SPTLC1: variants seen among roughly 807,000 people sequenced by gnomAD.
SPTLC1 encodes the protein serine palmitoyltransferase 1.
SPTLC1 carries 55 observed loss-of-function variants against 68.9 expected under a neutral mutation model. That is an observed-to-expected ratio of 0.80 (90% confidence interval 0.64 to 1.00). The LOEUF (loss-of-function observed/expected upper bound fraction) is 1.00. Ranked by LOEUF, SPTLC1 falls within the 50% of genes least tolerant of loss-of-function variation. The pLI, the probability that SPTLC1 is intolerant of heterozygous loss-of-function variation, is 0.00. For missense variants in SPTLC1, 449 were observed against 573.1 expected (o/e 0.78, Z 2.21); for synonymous variants, 197 against 201.6 (o/e 0.98, Z 0.19).
At chr9:92,058,793 T>C (rs1833984324) in intron 7 of SPTLC1, among the ~76,000 whole-genome samples, 1 of 152,174 alleles carries the variant, frequency 6.6e-6, no homozygotes, top group African/African-American at 2.4e-5. Flanking sequence ...AATTGATACA[T>C]GATTTATTCT....
At chr9:92,079,082 A>T in intron 5 of SPTLC1, 1 of 877,564 alleles carries the variant, frequency 1.1e-6, no homozygotes, top group Non-Finnish European at 1.4e-6. Context: ...AATTTTATTT[A>T]TTTATTTATT....
At chr9:92,033,639 T>A (rs1309633350) in intron 14 of SPTLC1, among the ~76,000 whole-genome samples, 1 of 152,194 alleles carries the variant, frequency 6.6e-6, no homozygotes, top group Non-Finnish European at 1.5e-5. Flanking sequence ...CACTGCAGCC[T>A]TGACCTCCTG....
chr9:92,068,028 A>G lies in SPTLC1; in HGVS notation c.498T>C (p.Tyr166=). Residue 166 remains tyrosine, a synonymous_variant, in exon 6 of 15, where the codon TAT becomes TAC. Transcript: ENST00000262554. ...MKTEEAIIYS[Y]GFATIASAIP... Reference sequence around the variant, plus strand: ...TAGCACTGGCTATGGTGGCAAATCCATATGAGTATATAATGGCTTCTTCTG... The same window carrying G: ...TAGCACTGGCTATGGTGGCAAATCCGTATGAGTATATAATGGCTTCTTCTG... The G allele has an allele frequency of 6.2e-7, 1 of 1,614,098 alleles. No homozygotes were observed.
At chr9:92,071,316 C>T (rs369210742) in intron 5 of SPTLC1, among the ~76,000 whole-genome samples, 72 of 152,204 alleles carry the variant, frequency 4.7e-4, no homozygotes, top group African/African-American at 1.7e-3. Context: ...AGGAGAATCG[C>T]CTGAACCCAG....
chr9:92,054,806 G>A (rs139263928), intron 8 of SPTLC1, among the ~76,000 whole-genome samples: 2,679 of 152,170 alleles, frequency 0.018, 67 homozygotes, highest in African/African-American at 0.06. Context: ...CCAGCTACTC[G>A]GGAGGCTGAG....
chr9:92,078,192 T>A lies in SPTLC1; in HGVS notation c.427+1824A>T, dbSNP rs1451044059. Among the ~76,000 whole-genome samples the A allele has an allele frequency of 2.0e-5, 3 of 152,178 alleles. No individual in the cohort carries two copies. The South Asian group carries it at 6.2e-4, about 31-fold the overall frequency. On this transcript the variant is annotated intron_variant, in intron 5 of 14. Coordinates refer to ENST00000262554, the MANE Select transcript of SPTLC1 (RefSeq NM_006415.4). Reference sequence around the variant, plus strand: ...TCCCTGATATCTAATACCAACAAGCTGCTGCTCTCCTCCGTACCTACCTAC... The same window carrying A: ...TCCCTGATATCTAATACCAACAAGCAGCTGCTCTCCTCCGTACCTACCTAC...
At chr9:92,054,175 G>A (rs2118500643) in intron 8 of SPTLC1, among the ~76,000 whole-genome samples, 1 of 152,302 alleles carries the variant, frequency 6.6e-6, no homozygotes, top group East Asian at 1.9e-4. Context: ...CAGCTACCTG[G>A]GAGGCTGAGG....
chr9:92,101,561 CAAAAAAA>C (rs61125464), intron 3 of SPTLC1, among the ~76,000 whole-genome samples: 936 of 45,994 alleles, frequency 0.02, 29 homozygotes, highest in African/African-American at 0.078. Flanking sequence ...GACTCCGTCT[CAAAAAAA>C]AAAAAAAAAA....
chr9:92,072,014 C>A (rs1192461385), intron 5 of SPTLC1, among the ~76,000 whole-genome samples: 3 of 152,236 alleles, frequency 2.0e-5, no homozygotes, highest in African/African-American at 7.2e-5. Context: ...TCCAATCCCA[C>A]CACCCTCTGC....
intron 5 of SPTLC1, among the ~76,000 whole-genome samples, chr9:92,074,307 A>G (rs1185848759): frequency 6.6e-6 from 1 of 152,030 alleles, no homozygotes; most frequent in Non-Finnish European, 1.5e-5. Flanking sequence ...CAACTCTGGT[A>G]CCAAATCAGG....
chr9:92,113,386 C>T (rs1836315538), intron 1 of SPTLC1, among the ~76,000 whole-genome samples: 1 of 152,196 alleles, frequency 6.6e-6, no homozygotes, highest in Non-Finnish European at 1.5e-5. Context: ...TAAGAGCCCA[C>T]TCCAAAAAGA....
intron 3 of SPTLC1, among the ~76,000 whole-genome samples, chr9:92,098,510 T>G (rs887463054): frequency 3.9e-5 from 6 of 152,130 alleles, no homozygotes; most frequent in Admixed American, 3.9e-4. Context: ...ACCTTCAATT[T>G]TCTTGTAGTT....
chr9:92,034,145 T>C (rs1276415947), intron 14 of SPTLC1, among the ~76,000 whole-genome samples: 2 of 152,282 alleles, frequency 1.3e-5, no homozygotes, highest in East Asian at 3.9e-4. Context: ...CTTCTCTAGT[T>C]TTGGTGTAGA....
intron 6 of SPTLC1, among the ~76,000 whole-genome samples, chr9:92,065,143 T>A (rs189203899): frequency 7.9e-5 from 12 of 152,354 alleles, no homozygotes; most frequent in Non-Finnish European, 1.6e-4. Context: ...CTTTTGAATC[T>A]ACAATTATCT....
At chr9:92,105,896 G>A (rs1359363274) in intron 3 of SPTLC1, among the ~76,000 whole-genome samples, 18 of 148,578 alleles carry the variant, frequency 1.2e-4, no homozygotes, top group Non-Finnish European at 2.5e-4. Flanking sequence ...TCCTGTCTGC[G>A]AAGTGAGGAG....
At position 92,071,472 on chromosome 9, in the gene SPTLC1, T is replaced by C. The variant is rs187725594; in HGVS notation, c.428-3374A>G. 1.9e-3 allele frequency among the ~76,000 whole-genome samples: 283 copies of C among 152,350 alleles called. 1 individual carries two copies. Among genetic ancestry groups the C allele is most frequent in the Non-Finnish European group, 2.4e-3 (161 of 68,026 alleles). On this transcript the variant is annotated intron_variant, in intron 5 of 14. Coordinates refer to ENST00000262554, the MANE Select transcript of SPTLC1 (RefSeq NM_006415.4). ...TTTTTCTTCTTAAGAGTATAAGTGATAGCCCTTAGGTACTCACTGGAACAT... is the reference window on the plus strand; with the variant it reads ...TTTTTCTTCTTAAGAGTATAAGTGACAGCCCTTAGGTACTCACTGGAACAT...
chr9:92,079,703 C>T (rs1387595253), intron 5 of SPTLC1: 2 of 803,748 alleles, frequency 2.5e-6, no homozygotes, highest in African/African-American at 1.7e-5. Flanking sequence ...CATCAGTGGA[C>T]TGTGGGCAGA....
intron 2 of SPTLC1, chr9:92,111,165 A>C (rs890522642): frequency 8.5e-5 from 13 of 152,156 alleles, no homozygotes; most frequent in Admixed American, 6.5e-4. Flanking sequence ...ATTTTCCTAC[A>C]ACTTTTTTAA....
chr9:92,107,791 A>C (rs564895302), intron 3 of SPTLC1: 1 of 152,144 alleles, frequency 6.6e-6, no homozygotes. Flanking sequence ...AGAATATATA[A>C]AAGTTTTATA....
Sources: gnomAD v4.1 joint callset for allele counts (sites outside exome capture counted in the v4.1 genomes callset) on GRCh38, gnomAD v4.1.1 for gene constraint, MANE v1.5 for transcripts, NCBI Gene and HGNC (gene_info 2026-07-23, HGNC 2026-07-21) for gene names.